RBMS3: variants seen among roughly 807,000 people sequenced by gnomAD.
RBMS3 encodes the protein RNA-binding motif, single-stranded-interacting protein 3.
A neutral mutation model predicts 66.8 loss-of-function variants in RBMS3; 27 were observed. The ratio of observed to expected loss-of-function variants is 0.40; its 90% CI spans 0.30 to 0.56. The LOEUF (loss-of-function observed/expected upper bound fraction) is 0.56, where lower values mean the gene tolerates loss of function less well. Ranked by LOEUF, RBMS3 falls within the 20% of genes least tolerant of loss-of-function variation. RBMS3 has a pLI of 0.40. For missense variants in RBMS3, 513 were observed against 549.5 expected (o/e 0.93, Z 0.66); for synonymous variants, 188 against 183.0 (o/e 1.03, Z -0.22).
At chr3:29,802,516 T>C (rs1159900450) in intron 6 of RBMS3, among the ~76,000 whole-genome samples, 1 of 152,218 alleles carries the variant, frequency 6.6e-6, no homozygotes, top group Non-Finnish European at 1.5e-5. Flanking sequence ...TACTGAAATA[T>C]AACCCATGAT....
chr3:29,604,202 C>G (rs555325964), intron 4 of RBMS3, among the ~76,000 whole-genome samples: 4 of 152,002 alleles, frequency 2.6e-5, no homozygotes, highest in Admixed American at 2.0e-4. Flanking sequence ...TTTTCTTGCT[C>G]TCCATAATTA....
chr3:29,314,684 G>A (rs1306524372), intron 1 of RBMS3, among the ~76,000 whole-genome samples: 1 of 151,664 alleles, frequency 6.6e-6, no homozygotes, highest in Admixed American at 6.6e-5. Flanking sequence ...ACCTACTGGG[G>A]AGCTGAAGCC....
chr3:29,636,041 TG>T (rs2049461259), intron 4 of RBMS3, among the ~76,000 whole-genome samples: 1 of 2,898 alleles, frequency 3.5e-4, no homozygotes, highest in Non-Finnish European at 1.5e-3. Context: ...ATCAAGAATG[TG>T]TGTGTGTGTG....
chr3:29,547,043 A>G (rs1351924031), intron 3 of RBMS3, among the ~76,000 whole-genome samples: 1 of 152,112 alleles, frequency 6.6e-6, no homozygotes, highest in Non-Finnish European at 1.5e-5. Flanking sequence ...TAGCACAATC[A>G]TAGCTCACTA....
rs546004824 is a variant in RBMS3 at position 29,702,869 on chromosome 3, C to T, written c.400-36851C>T. ...CCTTTAAGAACTGTAACACTCACCG[C>T]GAGGGTCCGCGGCTTCATTCTTGAA... On this transcript the variant is annotated intron_variant, in intron 4 of 14. Coordinates refer to ENST00000383767, the MANE Select transcript of RBMS3 (RefSeq NM_001003793.3). 2.6e-4 allele frequency among the ~76,000 whole-genome samples: 40 copies of T among 152,284 alleles called. No homozygotes were observed. The South Asian group carries it at 5.8e-3, about 22-fold the overall frequency.
chr3:29,827,510 T>C (rs2058241581), intron 6 of RBMS3, among the ~76,000 whole-genome samples: 3 of 152,140 alleles, frequency 2.0e-5, no homozygotes. Flanking sequence ...ATCTAATCTT[T>C]CTCCTTTGTT....
rs148556677 is a variant in RBMS3 at position 29,441,005 on chromosome 3, C to A, written c.248+6090C>A. Among the ~76,000 whole-genome samples the A allele has an allele frequency of 1.6e-3, 246 of 152,266 alleles. 2 individuals are homozygous for A. Among genetic ancestry groups the A allele is most frequent in the African/African-American group, 5.7e-3 (238 of 41,542 alleles). ...TGGAAATTTTTAGAGTTCTTTCTTA[C>A]TGTGTCATTGAAGATTTAAAAGTTT... On this transcript the variant is annotated intron_variant, in intron 2 of 14. Coordinates refer to ENST00000383767, the MANE Select transcript of RBMS3 (RefSeq NM_001003793.3).
chr3:29,800,057 G>A (rs1010754738), intron 6 of RBMS3, among the ~76,000 whole-genome samples: 1 of 152,080 alleles, frequency 6.6e-6, no homozygotes, highest in African/African-American at 2.4e-5. Context: ...ATGGCATTTA[G>A]GAATCAAAGC....
At chr3:29,986,269 G>C (rs1443539817) in intron 12 of RBMS3, among the ~76,000 whole-genome samples, 1 of 152,068 alleles carries the variant, frequency 6.6e-6, no homozygotes, top group Admixed American at 6.5e-5. Context: ...CTAGATTTTT[G>C]AGATTCAATT....
chr3:29,717,882 G>C (rs2053469979), intron 4 of RBMS3, among the ~76,000 whole-genome samples: 1 of 152,028 alleles, frequency 6.6e-6, no homozygotes, highest in African/African-American at 2.4e-5. Context: ...ATCAGATTTT[G>C]CTGCAAGCGT....
intron 2 of RBMS3, among the ~76,000 whole-genome samples, chr3:29,445,224 G>A (rs147301149): frequency 1.3e-5 from 2 of 152,130 alleles, no homozygotes; most frequent in African/African-American, 4.8e-5. Flanking sequence ...ACAGGAAACA[G>A]CATTTTATCT....
intron 6 of RBMS3, among the ~76,000 whole-genome samples, chr3:29,862,941 G>T (rs1027352564): frequency 7.3e-5 from 11 of 151,282 alleles, no homozygotes; most frequent in Non-Finnish European, 1.5e-4. Context: ...TGATGAAGGG[G>T]AAAAATTCTT....
chr3:29,505,993 A>C (rs2148946325), intron 3 of RBMS3, among the ~76,000 whole-genome samples: 1 of 151,974 alleles, frequency 6.6e-6, no homozygotes, highest in Non-Finnish European at 1.5e-5. Flanking sequence ...TTTAGGCTAC[A>C]TTATAGATAA....
At chr3:29,421,030 A>G (rs1214421294) in intron 1 of RBMS3, among the ~76,000 whole-genome samples, 3 of 151,728 alleles carry the variant, frequency 2.0e-5, no homozygotes, top group Admixed American at 6.6e-5. Flanking sequence ...GGAGAATGGC[A>G]TGAACCTGGA....
chr3:29,816,078 G>T (rs1428423173), intron 6 of RBMS3, among the ~76,000 whole-genome samples: 1 of 151,994 alleles, frequency 6.6e-6, no homozygotes, highest in African/African-American at 2.4e-5. Context: ...AGTCCAGTTT[G>T]GTGGATGTAT....
Position 29,358,943 on chromosome 3 carries a change from T to G in RBMS3, c.76-75800T>G, listed in dbSNP as rs552405321. 8.5e-5 allele frequency among the ~76,000 whole-genome samples: 13 copies of G among 152,326 alleles called. No individual in the cohort carries two copies. The East Asian group carries it at 1.9e-3, about 23-fold the overall frequency. ...GTTGCTTATCAGCTTAAGGAGATTT[T>G]GGGCTGAGATGATGGGGTTTTCTAG... On this transcript the variant is annotated intron_variant, in intron 1 of 14. Coordinates refer to ENST00000383767, the MANE Select transcript of RBMS3 (RefSeq NM_001003793.3).
At chr3:29,903,933 T>A (rs1222905884) in intron 10 of RBMS3, among the ~76,000 whole-genome samples, 1 of 151,954 alleles carries the variant, frequency 6.6e-6, no homozygotes, top group Non-Finnish European at 1.5e-5. Context: ...AAATATAAAC[T>A]TCTTCTTTAC....
chr3:29,339,874 C>G (rs1461480521), intron 1 of RBMS3, among the ~76,000 whole-genome samples: 2 of 152,096 alleles, frequency 1.3e-5, no homozygotes, highest in Non-Finnish European at 2.9e-5. Context: ...TGTTGTCTGA[C>G]TATGCATCAG....
intron 6 of RBMS3, among the ~76,000 whole-genome samples, chr3:29,851,557 T>C (rs577344393): frequency 5.3e-5 from 8 of 152,336 alleles, no homozygotes; most frequent in African/African-American, 1.9e-4. Context: ...TTAAAGCATC[T>C]ACCACAATAT....
Sources: gnomAD v4.1 joint callset for allele counts (sites outside exome capture counted in the v4.1 genomes callset) on GRCh38, gnomAD v4.1.1 for gene constraint, MANE v1.5 for transcripts, NCBI Gene and HGNC (gene_info 2026-07-23, HGNC 2026-07-21) for gene names.